ZNF84: variants seen among roughly 807,000 people sequenced by gnomAD.
The protein encoded by ZNF84 is zinc finger protein 84.
A neutral mutation model predicts 14.8 loss-of-function variants in ZNF84; 12 were observed. The ratio of observed to expected loss-of-function variants is 0.81; its 90% confidence interval spans 0.52 to 1.31. ZNF84 has a LOEUF of 1.31. Among genes scored for constraint, ZNF84 ranks in the 50% most tolerant of loss-of-function variants. The probability of loss-of-function intolerance (pLI) is 0.00; values close to 1 mark genes in which losing one functional copy is unlikely to be tolerated. For synonymous variants in ZNF84, 347 were observed against 291.1 expected (o/e 1.19, Z -1.96); for missense variants, 859 against 878.6 (o/e 0.98, Z 0.28).
At position 133,047,956 on chromosome 12, in the gene ZNF84, A is replaced by T; in HGVS notation, c.17A>T (p.Glu6Val). ...TTTACCAGGATTGTGCTCTTACAGG[A>T]GTCATTCTCATTTGACGATTTATCT... MTMLQ[E>V]SFSFDDLSVD... Residue 6 changes from glutamate to valine, a missense_variant and splice_region_variant, in exon 3 of 5, where the codon GAG (glutamate) becomes GTG (valine). Glu to Val is a moderately radical substitution (Grantham distance 121). Coordinates refer to ENST00000539354, the MANE Select transcript of ZNF84 (RefSeq NM_001289971.2). The T allele has an allele frequency of 6.2e-7, 1 of 1,613,834 alleles. No homozygotes were observed. The highest frequency in any genetic ancestry group is 8.5e-7 in the Non-Finnish European group (1 of 1,179,828).
Position 133,057,316 on chromosome 12 carries a change from C to T in ZNF84, c.601C>T (p.Arg201Cys), listed in dbSNP as rs1473335327. The change falls in exon 5 of 5, where the codon CGT (arginine) becomes TGT (cysteine). Residue 201 changes from arginine to cysteine, a missense_variant. Arg to Cys is a radical substitution (Grantham distance 180). Coordinates refer to ENST00000539354, the MANE Select transcript of ZNF84 (RefSeq NM_001289971.2). ...KSQIIIYHRNRLGEKLYECSE... is the reference protein window; with the variant it reads ...KSQIIIYHRNCLGEKLYECSE... The stretch of plus-strand genomic sequence containing the variant: ...ACAGATTATCATATATCATAGAAAT[C>T]GTTTAGGGGAGAAACTCTATGAATG... 2 of 1,612,836 alleles carry T rather than the reference C, an allele frequency of 1.2e-6. No individual in the cohort carries two copies. Among genetic ancestry groups the T allele is most frequent in the Admixed American group, 1.7e-5 (1 of 59,718 alleles).
chr12:133,052,042 G>A (rs1954078390), intron 4 of ZNF84, among the ~76,000 whole-genome samples: 1 of 152,204 alleles, frequency 6.6e-6, no homozygotes, highest in Non-Finnish European at 1.5e-5. Context: ...AGGGTAGTAA[G>A]TAAGCAGGAA....
intron 1 of ZNF84, chr12:133,041,065 T>C (rs1953878160): frequency 1.0e-5 from 2 of 199,980 alleles, no homozygotes; most frequent in Non-Finnish European, 2.0e-5. Flanking sequence ...ATCTCACAAT[T>C]ACTTTATTTC....
At chr12:133,045,490 T>C (rs1330852212) in intron 2 of ZNF84, among the ~76,000 whole-genome samples, 1 of 150,856 alleles carries the variant, frequency 6.6e-6, no homozygotes. Context: ...CAAATAGAAA[T>C]TAAGTGGGTG....
chr12:133,040,569 C>CAAAAAAA (rs4061955), intron 1 of ZNF84: 2 of 91,074 alleles, frequency 2.2e-5, no homozygotes, highest in African/African-American at 4.0e-5. Flanking sequence ...AAGACCGTAC[C>CAAAAAAA]AAAAAAAAAA....
Position 133,057,768 on chromosome 12 carries a change from A to G in ZNF84, c.1053A>G (p.Glu351=), listed in dbSNP as rs1954186911. 1.2e-6 allele frequency: 2 copies of G among 1,613,882 alleles called. No homozygotes were observed. The highest frequency in any genetic ancestry group is 1.7e-6 in the Non-Finnish European group (2 of 1,180,000). ...GTGAGAAGCCTTTTGAATGCAGGGA[A>G]TGTGGGAAAGCCTTCAGCAGGAAGT... is the stretch of plus-strand genomic sequence containing the variant. ...HTGEKPFECR[E]CGKAFSRKSQ... is the part of the protein sequence containing the mutation. The change falls in exon 5 of 5, where the codon GAA becomes GAG. Residue 351 remains glutamate, a synonymous_variant. Coordinates refer to ENST00000539354, the MANE Select transcript of ZNF84 (RefSeq NM_001289971.2).
In ZNF84 at chr12:133,063,086, C is replaced by CT; in HGVS notation, c.*4155dup. 1 of 702,230 alleles carries CT rather than the reference C, an allele frequency of 1.4e-6. No homozygotes were observed. Among genetic ancestry groups the CT allele is most frequent in the Non-Finnish European group, 2.6e-6 (1 of 384,736 alleles). 43.5% of individuals were successfully genotyped at this position (702,230 alleles called of 1,614,324 possible). A position where few individuals can be genotyped will look rare whatever the true frequency, so the allele number is the denominator to read the frequency against. On this transcript the variant is annotated 3_prime_UTR_variant, in exon 5 of 5. Coordinates refer to ENST00000539354, the MANE Select transcript of ZNF84 (RefSeq NM_001289971.2). The stretch of plus-strand genomic sequence containing the variant: ...ATTTAAATGTGGGTGCAGTGAGTGG[C>CT]TGTTTTCTGCCACATGGAGAAACAT...
chr12:133,046,347 G>GGTTTGTTT (rs1953976790), intron 2 of ZNF84, among the ~76,000 whole-genome samples: 1 of 116,406 alleles, frequency 8.6e-6, no homozygotes. Context: ...AGTCCTCACA[G>GGTTTGTTT]TTTTTTTTTT....
chr12:133,047,360 G>A (rs1297718708), intron 2 of ZNF84, among the ~76,000 whole-genome samples: 1 of 152,182 alleles, frequency 6.6e-6, no homozygotes, highest in East Asian at 1.9e-4. Context: ...CCACAGCCTC[G>A]TACAAAGGCC....
chr12:133,054,283 G>A (rs1201091246), intron 4 of ZNF84, among the ~76,000 whole-genome samples: 2 of 152,114 alleles, frequency 1.3e-5, no homozygotes, highest in African/African-American at 4.8e-5. Flanking sequence ...TGCTTGGGAG[G>A]CTTATGTAGG....
chr12:133,043,872 G>A (rs1953930899), intron 2 of ZNF84, among the ~76,000 whole-genome samples: 1 of 151,440 alleles, frequency 6.6e-6, no homozygotes, highest in Non-Finnish European at 1.5e-5. Context: ...TCCTGCCTCA[G>A]CCTCCTAAGT....
chr12:133,062,973 C>G lies in ZNF84; in HGVS notation c.*4041C>G. The G allele has an allele frequency of 1.6e-6, 1 of 633,914 alleles. No individual in the cohort carries two copies. Among genetic ancestry groups the G allele is most frequent in the Admixed American group, 2.5e-5 (1 of 40,226 alleles). 39.3% of individuals were successfully genotyped at this position (633,914 alleles called of 1,614,324 possible). A position where few individuals can be genotyped will look rare whatever the true frequency, so the allele number is the denominator to read the frequency against. The stretch of plus-strand genomic sequence containing the variant: ...GTGTTTCTCACTGTGATAATATAAT[C>G]ATTGCATGTTTTATCTTTCCCACTA... On this transcript the variant is annotated 3_prime_UTR_variant, in exon 5 of 5. Coordinates refer to ENST00000539354, the MANE Select transcript of ZNF84 (RefSeq NM_001289971.2).
At chr12:133,043,671 T>C (rs1953925939) in intron 2 of ZNF84, among the ~76,000 whole-genome samples, 1 of 152,234 alleles carries the variant, frequency 6.6e-6, no homozygotes, top group Non-Finnish European at 1.5e-5. Flanking sequence ...GAAATTTTGT[T>C]ATTTGAAAGA....
At chr12:133,038,716 G>A (rs946147845) in intron 1 of ZNF84, among the ~76,000 whole-genome samples, 29 of 152,156 alleles carry the variant, frequency 1.9e-4, no homozygotes, top group African/African-American at 7.0e-4. Flanking sequence ...GAATAAAATC[G>A]AATTATAAAT....
chr12:133,038,293 T>TG (rs11414166), intron 1 of ZNF84, among the ~76,000 whole-genome samples: 1 of 152,124 alleles, frequency 6.6e-6, no homozygotes, highest in Non-Finnish European at 1.5e-5. Context: ...TTTAGACAGT[T>TG]TGCTTTTTTT....
At chr12:133,043,983 T>A (rs1414877341) in intron 2 of ZNF84, among the ~76,000 whole-genome samples, 5 of 151,634 alleles carry the variant, frequency 3.3e-5, no homozygotes, top group Non-Finnish European at 5.9e-5. Flanking sequence ...AGGCTTGTCT[T>A]GAACTCCTGA....
intron 2 of ZNF84, among the ~76,000 whole-genome samples, chr12:133,045,187 T>A (rs1320018415): frequency 6.6e-6 from 1 of 152,078 alleles, no homozygotes; most frequent in Non-Finnish European, 1.5e-5. Flanking sequence ...TTGCTTACTC[T>A]CAGCTGGGCA....
At position 133,063,042 on chromosome 12, in the gene ZNF84, T is replaced by C; in HGVS notation, c.*4110T>C. On this transcript the variant is annotated 3_prime_UTR_variant, in exon 5 of 5. Transcript: ENST00000539354. ...AGTACTATCTTTTTTGTCTGTGTAATTTTTGCATCACAAGCTATATTTAAA... is the reference window on the plus strand; with the variant it reads ...AGTACTATCTTTTTTGTCTGTGTAACTTTTGCATCACAAGCTATATTTAAA... The C allele has an allele frequency of 8.6e-6, 6 of 695,306 alleles. No homozygotes were observed. The highest frequency in any genetic ancestry group is 8.1e-5 in the East Asian group (3 of 37,156). 43.1% of individuals were successfully genotyped at this position (695,306 alleles called of 1,614,324 possible).
At chr12:133,041,821 T>C (rs2137329359) in intron 2 of ZNF84, among the ~76,000 whole-genome samples, 1 of 152,360 alleles carries the variant, frequency 6.6e-6, no homozygotes, top group South Asian at 2.1e-4. Flanking sequence ...TGATTGCCCA[T>C]AGGAAGTAAA....
Sources: allele counts gnomAD v4.1 joint callset (sites outside exome capture counted in the v4.1 genomes callset), GRCh38; gene constraint gnomAD v4.1.1; transcripts MANE v1.5; gene names NCBI Gene and HGNC (gene_info 2026-07-23, HGNC 2026-07-21).